FBXL17: variants seen among roughly 807,000 people sequenced by gnomAD.
FBXL17 encodes the protein F-box and leucine rich repeat protein 17, also known as F-box/LRR-repeat protein 17.
FBXL17 carries 22 observed loss-of-function variants against 66.2 expected under a neutral mutation model. The ratio of observed to expected loss-of-function variants is 0.33; its 90% CI spans 0.24 to 0.47. The LOEUF is 0.47. Among genes scored for constraint, FBXL17 ranks in the 20% least tolerant of loss-of-function variants. The pLI, the probability that FBXL17 is intolerant of heterozygous loss-of-function variation, is 1.00. For missense variants in FBXL17, 878 were observed against 948.2 expected (o/e 0.93, Z 0.97); for synonymous variants, 474 against 400.5 (o/e 1.18, Z -2.19).
chr5:108,349,732 C>A (rs1004939937), intron 3 of FBXL17, among the ~76,000 whole-genome samples: 1 of 152,120 alleles, frequency 6.6e-6, no homozygotes, highest in South Asian at 2.1e-4. Flanking sequence ...ATTTTAAATG[C>A]GCAAATACAA....
intron 7 of FBXL17, among the ~76,000 whole-genome samples, chr5:107,913,476 A>T (rs970026999): frequency 2.0e-5 from 3 of 152,152 alleles, no homozygotes; most frequent in Non-Finnish European, 2.9e-5. Flanking sequence ...GGTGATGTGG[A>T]TGACAGTGAT....
At chr5:108,098,139 A>C (rs1323039250) in intron 6 of FBXL17, among the ~76,000 whole-genome samples, 2 of 152,172 alleles carry the variant, frequency 1.3e-5, no homozygotes, top group Middle Eastern at 3.2e-3. Context: ...TTCAATAAAT[A>C]TCTGATGATC....
Position 108,012,143 on chromosome 5 carries a change from T to C in FBXL17, c.1822+8782A>G, listed in dbSNP as rs186047186. Among the ~76,000 whole-genome samples, 259 of 152,316 alleles carry C rather than the reference T, an allele frequency of 1.7e-3. 2 individuals are homozygous for C. Among genetic ancestry groups the C allele is most frequent in the Admixed American group, 9.0e-3 (137 of 15,298 alleles). On this transcript the variant is annotated intron_variant, in intron 7 of 8. Transcript: ENST00000542267. ...TGTTTTGCAAATTAACTAAAACCTG[T>C]CAGGCCTCAGCTTCCTCATCTATTG... is the stretch of plus-strand genomic sequence containing the variant.
chr5:108,339,489 A>G (rs182854008), intron 4 of FBXL17, among the ~76,000 whole-genome samples: 2 of 152,146 alleles, frequency 1.3e-5, no homozygotes, highest in East Asian at 3.9e-4. Context: ...GCACTTCCAC[A>G]CTTGTATCTT....
chr5:108,280,496 T>G, intron 4 of FBXL17, among the ~76,000 whole-genome samples: 1 of 151,356 alleles, frequency 6.6e-6, no homozygotes, highest in East Asian at 1.9e-4. Flanking sequence ...TTAACCATCA[T>G]AAAAACACAT....
At position 108,196,252 on chromosome 5, in the gene FBXL17, T is replaced by C. The variant is rs145527476; in HGVS notation, c.1615-10005A>G. On this transcript the variant is annotated intron_variant, in intron 5 of 8. Transcript: ENST00000542267. ...AAAACAAACAAAAAAAAAACGCTTA[T>C]AGCAATAGTGTCCCCCAGGCCATGT... 5.5e-4 allele frequency among the ~76,000 whole-genome samples: 83 copies of C among 151,928 alleles called. 1 individual carries two copies. The East Asian group carries it at 0.012, about 21-fold the overall frequency.
At chr5:107,933,335 C>T (rs1009711013) in intron 7 of FBXL17, among the ~76,000 whole-genome samples, 9 of 152,114 alleles carry the variant, frequency 5.9e-5, no homozygotes, top group African/African-American at 1.4e-4. Context: ...TCCACACATT[C>T]GGTCTGGGTA....
chr5:108,003,041 T>G (rs1422810670), intron 7 of FBXL17, among the ~76,000 whole-genome samples: 1 of 152,234 alleles, frequency 6.6e-6, no homozygotes, highest in African/African-American at 2.4e-5. Flanking sequence ...TGCATGAATT[T>G]TATAATGTAT....
intron 4 of FBXL17, among the ~76,000 whole-genome samples, chr5:108,228,589 G>A (rs1428803839): frequency 6.6e-6 from 1 of 152,244 alleles, no homozygotes; most frequent in South Asian, 2.1e-4. Flanking sequence ...AACAATGCAT[G>A]GCACATTGTA....
intron 6 of FBXL17, among the ~76,000 whole-genome samples, chr5:108,075,096 G>A (rs1389009988): frequency 6.6e-6 from 1 of 152,088 alleles, no homozygotes; most frequent in African/African-American, 2.4e-5. Flanking sequence ...CCTTCCAGCT[G>A]TGCATGTTTT....
intron 4 of FBXL17, among the ~76,000 whole-genome samples, chr5:108,252,096 G>A (rs191045791): frequency 6.6e-6 from 1 of 152,240 alleles, no homozygotes; most frequent in Admixed American, 6.5e-5. Context: ...TCTTAACGAA[G>A]CTTTTGCACG....
chr5:108,340,133 A>G (rs922615983), intron 4 of FBXL17, among the ~76,000 whole-genome samples: 9 of 152,116 alleles, frequency 5.9e-5, no homozygotes, highest in Non-Finnish European at 8.8e-5. Flanking sequence ...TGATTAAAAA[A>G]AAAAAAAACC....
At chr5:107,878,920 T>A in intron 8 of FBXL17, 5 of 985,470 alleles carry the variant, frequency 5.1e-6, no homozygotes, top group Non-Finnish European at 6.0e-6. Flanking sequence ...GCCAATGGGT[T>A]CTCAGAGTGG....
chr5:107,962,483 A>G (rs1202908286), intron 7 of FBXL17, among the ~76,000 whole-genome samples: 1 of 152,160 alleles, frequency 6.6e-6, no homozygotes, highest in African/African-American at 2.4e-5. Flanking sequence ...TTTAAAGATG[A>G]CAAATACATA....
chr5:108,156,677 A>G (rs1305676175), intron 6 of FBXL17, among the ~76,000 whole-genome samples: 1 of 151,946 alleles, frequency 6.6e-6, no homozygotes, highest in Non-Finnish European at 1.5e-5. Context: ...TTTTCATCTT[A>G]TTTCATAAAA....
chr5:107,979,988 A>C lies in FBXL17; in HGVS notation c.1822+40937T>G, dbSNP rs549951616. The stretch of plus-strand genomic sequence containing the variant: ...CTGGTATGCTCTGACAAATCTTTAA[A>C]TTTGATCCTTTTTTGTTGGTGAAAG... On this transcript the variant is annotated intron_variant, in intron 7 of 8. Coordinates refer to ENST00000542267, the MANE Select transcript of FBXL17 (RefSeq NM_001163315.3). Among the ~76,000 whole-genome samples the C allele has an allele frequency of 2.6e-5, 4 of 152,216 alleles. 1 individual carries two copies. The highest frequency in any genetic ancestry group is 9.6e-5 in the African/African-American group (4 of 41,454).
At chr5:108,094,293 T>C (rs1157639389) in intron 6 of FBXL17, among the ~76,000 whole-genome samples, 1 of 152,180 alleles carries the variant, frequency 6.6e-6, no homozygotes, top group Non-Finnish European at 1.5e-5. Flanking sequence ...ATCATCATTC[T>C]GATAAAAAGG....
chr5:108,161,161 G>GATAC (rs36073647), intron 6 of FBXL17, among the ~76,000 whole-genome samples: 3,093 of 149,300 alleles, frequency 0.021, 104 homozygotes, highest in African/African-American at 0.068. Flanking sequence ...TCAACAAATA[G>GATAC]ATACATACAT....
At chr5:108,107,761 G>A (rs561149637) in intron 6 of FBXL17, among the ~76,000 whole-genome samples, 1 of 146,326 alleles carries the variant, frequency 6.8e-6, no homozygotes, top group East Asian at 2.1e-4. Flanking sequence ...GCAGTGAGCT[G>A]AGATGGCACC....
Sources: gnomAD v4.1 joint callset for allele counts (sites outside exome capture counted in the v4.1 genomes callset) on GRCh38, gnomAD v4.1.1 for gene constraint, MANE v1.5 for transcripts, NCBI Gene and HGNC (gene_info 2026-07-23, HGNC 2026-07-21) for gene names.